The following PPP2R1B variants were observed in gnomAD, a reference collection of about 807,000 sequenced individuals.
PPP2R1B encodes protein phosphatase 2 scaffold subunit Abeta.
A neutral mutation model predicts 72.7 loss-of-function variants in PPP2R1B; 58 were observed. The observed-to-expected ratio is 0.80, with a 90% confidence interval of 0.65 to 0.99. PPP2R1B has a LOEUF of 0.99. Among genes scored for constraint, PPP2R1B ranks in the 50% least tolerant of loss-of-function variants. PPP2R1B has a pLI of 0.00. For synonymous variants in PPP2R1B, 256 were observed against 264.6 expected (o/e 0.97, Z 0.32); for missense variants, 695 against 733.6 (o/e 0.95, Z 0.61).
the PPP2R1B span, among the ~76,000 whole-genome samples, chr11:111,702,642 G>A: frequency 6.6e-6 from 1 of 152,178 alleles, no homozygotes; most frequent in African/African-American, 2.4e-5. Flanking sequence ...GTGACAGGAG[G>A]TTACCTTATG....
At chr11:111,737,322 C>A (rs901219134), downstream of PPP2R1B, 78 of 1,424,350 alleles carry the variant, frequency 5.5e-5, 1 homozygote, top group Admixed American at 1.5e-3. Context: ...TTGGACTCTT[C>A]CCCTGGGGAC....
intron 15 of PPP2R1B, chr11:111,727,155 T>C: frequency 1.1e-6 from 1 of 918,918 alleles, no homozygotes; most frequent in South Asian, 1.4e-5. Flanking sequence ...TCGCCACCTC[T>C]GCCTGCACTG....
intron 5 of PPP2R1B, among the ~76,000 whole-genome samples, chr11:111,755,819 A>G (rs1024081604): frequency 9.9e-5 from 15 of 151,894 alleles, no homozygotes; most frequent in Non-Finnish European, 1.9e-4. Context: ...CAAACTCCTG[A>G]CCTCAAATGA....
chr11:111,766,283 C>T lies in PPP2R1B; in HGVS notation c.79G>A (p.Val27Ile), dbSNP rs781839432. Residue 27 changes from valine (V) to isoleucine (I), a missense_variant, in exon 1 of 15, where the codon GTT (valine) becomes ATT (isoleucine). Coordinates refer to ENST00000527614, the MANE Select transcript of PPP2R1B (RefSeq NM_002716.5). ...DGDDSLYPIAVLIDELRNEDV... is the reference protein window; with the variant it reads ...DGDDSLYPIAILIDELRNEDV... ...TCATTGCGGAGCTCGTCGATTAAAA[C>T]CGCGATCGGGTATAGCGAATCATCT... 13 of 1,613,844 alleles carry T rather than the reference C, an allele frequency of 8.1e-6. No individual in the cohort carries two copies. In the African/African-American group the frequency reaches 1.3e-4, roughly 17 times the overall value.
intron 5 of PPP2R1B, among the ~76,000 whole-genome samples, chr11:111,756,564 G>A (rs189503103): frequency 2.1e-4 from 32 of 152,330 alleles, no homozygotes; most frequent in African/African-American, 7.5e-4. Context: ...CAGGGTCGCA[G>A]TAACAGGAGT....
In PPP2R1B at chr11:111,760,808, C is replaced by A; in HGVS notation, c.539+11G>T. 6.2e-7 allele frequency: 1 copy of A among 1,610,750 alleles called. No individual in the cohort carries two copies. The highest frequency in any genetic ancestry group is 1.1e-5 in the South Asian group (1 of 90,532). ...TCTGCTTTAACAAGGCAAAAAAATACCATGGCTTACTGTCTGATTTCTGCT... is the reference window on the plus strand; with the variant it reads ...TCTGCTTTAACAAGGCAAAAAAATAACATGGCTTACTGTCTGATTTCTGCT... On this transcript the variant is annotated intron_variant, in intron 4 of 14. Transcript: ENST00000527614.
the PPP2R1B span, among the ~76,000 whole-genome samples, chr11:111,711,406 C>CCA: frequency 1.0e-3 from 155 of 152,326 alleles, no homozygotes; most frequent in African/African-American, 3.6e-3. Flanking sequence ...CAGGCATGAG[C>CCA]CACCGCGCCT....
the PPP2R1B span, among the ~76,000 whole-genome samples, chr11:111,692,970 G>C: frequency 6.6e-6 from 1 of 152,148 alleles, no homozygotes; most frequent in South Asian, 2.1e-4. Flanking sequence ...ATCAAACATG[G>C]TTCATTTTAA....
the PPP2R1B span, among the ~76,000 whole-genome samples, chr11:111,717,101 T>G: frequency 1.3e-5 from 2 of 150,774 alleles, no homozygotes; most frequent in African/African-American, 2.4e-5. Context: ...GATCACGAGG[T>G]CAGGAGATCG....
chr11:111,743,816 C>T (rs1944607792), intron 11 of PPP2R1B, among the ~76,000 whole-genome samples: 1 of 152,200 alleles, frequency 6.6e-6, no homozygotes, highest in African/African-American at 2.4e-5. Flanking sequence ...GATACTTTCC[C>T]TCACAAGAAA....
chr11:111,764,000 C>G (rs1229992903), intron 3 of PPP2R1B, among the ~76,000 whole-genome samples: 4 of 152,146 alleles, frequency 2.6e-5, no homozygotes, highest in Non-Finnish European at 4.4e-5. Flanking sequence ...CACATACACC[C>G]CTACCTTGTC....
At chr11:111,690,187 G>A in the PPP2R1B span, among the ~76,000 whole-genome samples, 1 of 150,676 alleles carries the variant, frequency 6.6e-6, no homozygotes, top group Non-Finnish European at 1.5e-5. Flanking sequence ...CCAACCTTCT[G>A]TGAGGAACTT....
At chr11:111,759,064 A>G in intron 5 of PPP2R1B, among the ~76,000 whole-genome samples, 1 of 152,196 alleles carries the variant, frequency 6.6e-6, no homozygotes, top group East Asian at 1.9e-4. Context: ...ATTAAGCACC[A>G]TTACAGAGAA....
chr11:111,765,374 T>C lies in PPP2R1B; in HGVS notation c.125A>G (p.Asn42Ser), dbSNP rs782336457. Residue 42 changes from asparagine to serine, a missense_variant, in exon 2 of 15, where the codon AAC (asparagine) becomes AGC (serine). Asn to Ser is a conservative substitution (Grantham distance 46). Coordinates refer to ENST00000527614, the MANE Select transcript of PPP2R1B (RefSeq NM_002716.5). ...AATTGTTGATAACTTCTTAATACTG[T>C]TGAGTCGGAGCTTCAGAAAAGAAAG... ...LRNEDVQLRL[N>S]SIKKLSTIAL... The C allele has an allele frequency of 3.1e-6, 5 of 1,611,308 alleles. No homozygotes were observed. In the South Asian group the frequency reaches 5.5e-5, roughly 18 times the overall value.
At chr11:111,742,448 T>G (rs1399769311) in intron 13 of PPP2R1B, 75 bp downstream of exon 13, 1 of 1,470,084 alleles carries the variant, frequency 6.8e-7, no homozygotes, top group Non-Finnish European at 9.2e-7. Context: ...GAACTTAATT[T>G]TAGCTAATTA....
the PPP2R1B span, among the ~76,000 whole-genome samples, chr11:111,702,048 C>A: frequency 6.6e-6 from 1 of 152,156 alleles, no homozygotes; most frequent in Admixed American, 6.5e-5. Context: ...CCCTTAGTTT[C>A]ATTTTGGTTA....
At chr11:111,748,766 C>T (rs1944794323) in intron 10 of PPP2R1B, among the ~76,000 whole-genome samples, 1 of 152,158 alleles carries the variant, frequency 6.6e-6, no homozygotes. Flanking sequence ...CTAAGAAGTT[C>T]CTGACTGGTG....
chr11:111,710,141 T>C, the PPP2R1B span, among the ~76,000 whole-genome samples: 1 of 152,380 alleles, frequency 6.6e-6, no homozygotes, highest in East Asian at 1.9e-4. Context: ...GTAGCAAATA[T>C]ACTTTAGTGG....
intron 9 of PPP2R1B, among the ~76,000 whole-genome samples, chr11:111,752,939 G>A (rs1358672408): frequency 6.6e-6 from 1 of 151,654 alleles, no homozygotes; most frequent in East Asian, 1.9e-4. Context: ...CTCCAGCCTG[G>A]GCGACAGAGC....
Sources: gnomAD v4.1 joint callset for allele counts (sites outside exome capture counted in the v4.1 genomes callset) on GRCh38, gnomAD v4.1.1 for gene constraint, MANE v1.5 for transcripts, NCBI Gene and HGNC (gene_info 2026-07-23, HGNC 2026-07-21) for gene names.